Variants in SNTB2 observed in about 807,000 individuals in gnomAD.
The protein encoded by SNTB2 is beta-2-syntrophin.
A neutral mutation model predicts 46.2 loss-of-function variants in SNTB2; 34 were observed. The ratio of observed to expected loss-of-function variants is 0.74; its 90% confidence interval spans 0.56 to 0.98. The LOEUF (loss-of-function observed/expected upper bound fraction) is 0.98. Among genes scored for constraint, SNTB2 ranks in the 50% least tolerant of loss-of-function variants. SNTB2 has a pLI of 0.00. For missense variants in SNTB2, 603 were observed against 731.4 expected (o/e 0.82, Z 2.02); for synonymous variants, 290 against 312.6 (o/e 0.93, Z 0.76).
chr16:69,216,184 C>T (rs1257783078), intron 1 of SNTB2, among the ~76,000 whole-genome samples: 1 of 152,150 alleles, frequency 6.6e-6, no homozygotes, highest in Non-Finnish European at 1.5e-5. Flanking sequence ...ATTCAGTAAA[C>T]ACTTACTGAG....
At chr16:69,294,593 C>T (rs745828220) in intron 5 of SNTB2, among the ~76,000 whole-genome samples, 9 of 151,514 alleles carry the variant, frequency 5.9e-5, no homozygotes, top group Non-Finnish European at 1.0e-4. Context: ...ATTAGCAGGG[C>T]GTTGTGGTGC....
intron 5 of SNTB2, among the ~76,000 whole-genome samples, chr16:69,288,858 A>G (rs1259732418): frequency 1.3e-5 from 2 of 152,238 alleles, no homozygotes; most frequent in African/African-American, 2.4e-5. Context: ...CTATTTGGCC[A>G]TAAAAAATAT....
chr16:69,236,687 A>AAGCAGC (rs1043738371), intron 1 of SNTB2, among the ~76,000 whole-genome samples: 1 of 151,728 alleles, frequency 6.6e-6, no homozygotes, highest in Non-Finnish European at 1.5e-5. Context: ...AAAAAAAAAA[A>AAGCAGC]AGCAGCAGCA....
intron 5 of SNTB2, among the ~76,000 whole-genome samples, chr16:69,290,358 G>T (rs866242923): frequency 2.6e-5 from 4 of 152,136 alleles, no homozygotes; most frequent in South Asian, 2.1e-4. Context: ...AAGTTTTTAA[G>T]TCATACGAGA....
chr16:69,218,431 T>A (rs938597508), intron 1 of SNTB2, among the ~76,000 whole-genome samples: 1 of 152,036 alleles, frequency 6.6e-6, no homozygotes, highest in Non-Finnish European at 1.5e-5. Flanking sequence ...TTCTTTTTTT[T>A]TTTTTCTTGA....
chr16:69,216,805 A>C (rs973429948), intron 1 of SNTB2, among the ~76,000 whole-genome samples: 1 of 152,210 alleles, frequency 6.6e-6, no homozygotes, highest in Non-Finnish European at 1.5e-5. Context: ...TCTTTTGAAA[A>C]ATAGTATTCT....
At chr16:69,190,908 G>T (rs1292329432) in intron 1 of SNTB2, among the ~76,000 whole-genome samples, 1 of 152,064 alleles carries the variant, frequency 6.6e-6, no homozygotes, top group Non-Finnish European at 1.5e-5. Flanking sequence ...CACGTGTTGA[G>T]TACTTTTTAA....
At position 69,235,157 on chromosome 16, in the gene SNTB2, G is replaced by A. The variant is rs919227394; in HGVS notation, c.581-10445G>A. On this transcript the variant is annotated intron_variant, in intron 1 of 6. Coordinates refer to ENST00000336278, the MANE Select transcript of SNTB2 (RefSeq NM_006750.4). ...CTCCTGAGTAGCTGGGATTACAGGCGCACGCCACCATGCCCAGCTAATTTT... is the reference window on the plus strand; with the variant it reads ...CTCCTGAGTAGCTGGGATTACAGGCACACGCCACCATGCCCAGCTAATTTT... 6.6e-5 allele frequency among the ~76,000 whole-genome samples: 10 copies of A among 151,722 alleles called. No homozygotes were observed. The East Asian group carries it at 9.7e-4, about 15-fold the overall frequency.
intron 4 of SNTB2, among the ~76,000 whole-genome samples, chr16:69,279,515 C>CTTTTTTTTTTTTTTTTTTTTTT (rs57637291): frequency 2.8e-5 from 2 of 71,734 alleles, no homozygotes; most frequent in Admixed American, 1.7e-4. Flanking sequence ...GTCCTTTGCC[C>CTTTTTTTTTTTTTTTTTTTTTT]TTTTTTTTTT....
At chr16:69,244,597 A>G (rs188492403) in intron 1 of SNTB2, among the ~76,000 whole-genome samples, 1 of 152,350 alleles carries the variant, frequency 6.6e-6, no homozygotes, top group Admixed American at 6.5e-5. Flanking sequence ...GAAGTAAAAC[A>G]AGTATTTTAT....
intron 1 of SNTB2, among the ~76,000 whole-genome samples, chr16:69,231,977 G>A (rs1208362132): frequency 2.0e-5 from 3 of 152,062 alleles, no homozygotes; most frequent in Non-Finnish European, 2.9e-5. Context: ...TAGATCAGTA[G>A]TTAAAGAAGT....
intron 4 of SNTB2, among the ~76,000 whole-genome samples, chr16:69,279,791 G>C (rs572398907): frequency 9.9e-5 from 15 of 151,438 alleles, no homozygotes; most frequent in Admixed American, 8.5e-4. Flanking sequence ...GCCTCCCAAA[G>C]TGCTGGGATT....
chr16:69,259,899 C>A, intron 2 of SNTB2, 151 bp from the exon 3 acceptor site: 2 of 685,318 alleles, frequency 2.9e-6, no homozygotes, highest in African/African-American at 1.8e-5. Flanking sequence ...CATGAGCCAC[C>A]GTGCCCAGCC....
At chr16:69,205,291 A>T (rs548826792) in intron 1 of SNTB2, among the ~76,000 whole-genome samples, 1 of 150,408 alleles carries the variant, frequency 6.6e-6, no homozygotes, top group South Asian at 2.1e-4. Flanking sequence ...CTAGGACTAC[A>T]GGCACGCGCC....
chr16:69,216,683 G>GC lies in SNTB2; in HGVS notation c.581-28909dup, dbSNP rs534678075. ...CCCATGGGTGACAGAGTGAGACCCT[G>GC]CCCCCCCCCCAAAAAAAAATAGAAG... is the stretch of plus-strand genomic sequence containing the variant. On this transcript the variant is annotated intron_variant, in intron 1 of 6. Transcript: ENST00000336278. 8.7e-3 allele frequency among the ~76,000 whole-genome samples: 1,259 copies of GC among 145,068 alleles called. 12 individuals carry two copies. Among genetic ancestry groups the GC allele is most frequent in the African/African-American group, 0.023 (917 of 39,282 alleles).
intron 1 of SNTB2, among the ~76,000 whole-genome samples, chr16:69,220,767 A>G (rs547011599): frequency 6.6e-6 from 1 of 152,230 alleles, no homozygotes; most frequent in East Asian, 1.9e-4. Context: ...CTTGGCCTCA[A>G]GCGATCCACT....
chr16:69,196,417 C>G (rs1295449426), intron 1 of SNTB2, among the ~76,000 whole-genome samples: 1 of 150,538 alleles, frequency 6.6e-6, no homozygotes, highest in Non-Finnish European at 1.5e-5. Flanking sequence ...CCCTGTCACC[C>G]AGGCTGGAGT....
At chr16:69,262,715 C>T (rs1039342276) in intron 3 of SNTB2, among the ~76,000 whole-genome samples, 3 of 151,802 alleles carry the variant, frequency 2.0e-5, no homozygotes, top group South Asian at 2.1e-4. Flanking sequence ...CTCACTCTGT[C>T]GCCCAGGCTG....
At chr16:69,294,760 G>A (rs1344914281) in intron 5 of SNTB2, among the ~76,000 whole-genome samples, 1 of 151,564 alleles carries the variant, frequency 6.6e-6, no homozygotes, top group East Asian at 1.9e-4. Flanking sequence ...AGCACCTACC[G>A]CAGAGCCCTG....
Sources: gnomAD v4.1 joint callset for allele counts (sites outside exome capture counted in the v4.1 genomes callset) on GRCh38, gnomAD v4.1.1 for gene constraint, MANE v1.5 for transcripts, NCBI Gene and HGNC (gene_info 2026-07-23, HGNC 2026-07-21) for gene names.